The following SPAG17 variants were observed in gnomAD, a reference collection of about 807,000 sequenced individuals.
SPAG17 encodes the protein sperm-associated antigen 17.
A neutral mutation model predicts 273.6 loss-of-function variants in SPAG17; 169 were observed. The observed-to-expected ratio is 0.62, with a 90% CI of 0.55 to 0.70. The LOEUF (loss-of-function observed/expected upper bound fraction) is 0.70, where lower values mean the gene tolerates loss of function less well. Ranked by LOEUF, SPAG17 falls within the 30% of genes least tolerant of loss-of-function variation. The probability of loss-of-function intolerance (pLI) is 0.00; values close to 1 mark genes in which losing one functional copy is unlikely to be tolerated. For synonymous variants in SPAG17, 825 were observed against 873.2 expected (o/e 0.94, Z 0.97); for missense variants, 2,557 against 2,627.8 (o/e 0.97, Z 0.59).
chr1:118,047,767 C>A (rs1422449950), intron 20 of SPAG17, among the ~76,000 whole-genome samples: 1 of 152,082 alleles, frequency 6.6e-6, no homozygotes, highest in Non-Finnish European at 1.5e-5. Flanking sequence ...AGTGCAAAAC[C>A]TATCCTCCAG....
intron 4 of SPAG17, 48 bp downstream of exon 4, chr1:118,115,257 CCATTT>C: frequency 1.9e-6 from 3 of 1,596,558 alleles, no homozygotes; most frequent in Non-Finnish European, 1.7e-6. Context: ...AAACCTGGCT[CCATTT>C]CATTCACCAC....
At position 118,028,398 on chromosome 1, in the gene SPAG17, T is replaced by C. The variant is rs756464895; in HGVS notation, c.3610-4A>G. 2 of 1,611,950 alleles carry C rather than the reference T, an allele frequency of 1.2e-6. No individual in the cohort carries two copies. The highest frequency in any genetic ancestry group is 2.2e-5 in the South Asian group (2 of 90,484). ...GTTCTGGTTCTACTTCTTCTTCCTG[T>C]AAATAATTCAGCATGTGAATAATGG... On this transcript the variant is annotated splice_region_variant and splice_polypyrimidine_tract_variant and intron_variant, in intron 25 of 48. Transcript: ENST00000336338.
intron 1 of SPAG17, among the ~76,000 whole-genome samples, chr1:118,152,741 A>G (rs1052237369): frequency 1.3e-5 from 2 of 152,218 alleles, no homozygotes; most frequent in Non-Finnish European, 2.9e-5. Flanking sequence ...TAAATTCACC[A>G]GGGGAAGACT....
intron 17 of SPAG17, 116 bp from the exon 18 acceptor site, chr1:118,067,015 G>A (rs1653050465): frequency 1.1e-6 from 1 of 919,476 alleles, no homozygotes; most frequent in African/African-American, 1.7e-5. Context: ...TACATTGTTA[G>A]TCAAGTTGAA....
rs539378962 is a variant in SPAG17 at position 117,973,946 on chromosome 1, C to T, written c.6005-385G>A. On this transcript the variant is annotated intron_variant, in intron 43 of 48. Coordinates refer to ENST00000336338, the MANE Select transcript of SPAG17 (RefSeq NM_206996.4). ...TTTTGGGTTTTCTGTCATTAATCTT[C>T]TTAGAATAATGGCTTGCAGCTGCAT... is the stretch of plus-strand genomic sequence containing the variant. 2.0e-5 allele frequency among the ~76,000 whole-genome samples: 3 copies of T among 152,220 alleles called. No individual in the cohort carries two copies. In the East Asian group the frequency reaches 5.8e-4, roughly 29 times the overall value.
chr1:118,088,026 G>C (rs1192022848), intron 10 of SPAG17, among the ~76,000 whole-genome samples: 1 of 152,138 alleles, frequency 6.6e-6, no homozygotes, highest in East Asian at 1.9e-4. Context: ...TAACAAAATT[G>C]CATCCTATTC....
At chr1:118,034,249 T>C (rs1415599584) in intron 24 of SPAG17, among the ~76,000 whole-genome samples, 1 of 152,162 alleles carries the variant, frequency 6.6e-6, no homozygotes, top group Non-Finnish European at 1.5e-5. Flanking sequence ...TTAGAACCCG[T>C]CAGGTACAAT....
intron 1 of SPAG17, among the ~76,000 whole-genome samples, chr1:118,172,440 A>G (rs1338125512): frequency 6.6e-6 from 1 of 152,214 alleles, no homozygotes; most frequent in Non-Finnish European, 1.5e-5. Flanking sequence ...GTGTCACAGC[A>G]AAGGAATGGA....
At chr1:118,088,760 A>C (rs1013051061) in intron 10 of SPAG17, among the ~76,000 whole-genome samples, 1 of 152,224 alleles carries the variant, frequency 6.6e-6, no homozygotes, top group African/African-American at 2.4e-5. Flanking sequence ...CTCCCTGAAG[A>C]AAGCATTAGT....
At chr1:118,020,189 C>T (rs1660365586) in intron 28 of SPAG17, among the ~76,000 whole-genome samples, 2 of 152,146 alleles carry the variant, frequency 1.3e-5, no homozygotes, top group African/African-American at 4.8e-5. Context: ...GGGGCCAAGG[C>T]AAGCGGATCA....
At chr1:118,096,673 T>A (rs1384625381) in intron 7 of SPAG17, among the ~76,000 whole-genome samples, 3 of 152,234 alleles carry the variant, frequency 2.0e-5, no homozygotes, top group African/African-American at 7.2e-5. Context: ...AAAGCCATCA[T>A]GCATCTGTCA....
At chr1:117,981,447 G>A in intron 42 of SPAG17, 46 bp from the exon 43 acceptor site, 1 of 1,557,532 alleles carries the variant, frequency 6.4e-7, no homozygotes, top group Admixed American at 2.2e-5. Flanking sequence ...TTTGTAAAAT[G>A]ATATAATGAC....
intron 7 of SPAG17, among the ~76,000 whole-genome samples, chr1:118,095,866 G>T (rs979002012): frequency 6.6e-6 from 1 of 152,132 alleles, no homozygotes; most frequent in Non-Finnish European, 1.5e-5. Context: ...CTTCTCTGAG[G>T]TCAGGTTTAG....
At chr1:118,042,188 A>T (rs965055007) in intron 20 of SPAG17, 146 bp from the exon 21 acceptor site, 1 of 959,968 alleles carries the variant, frequency 1.0e-6, no homozygotes, top group Non-Finnish European at 1.5e-6. Context: ...CCTTGACGTC[A>T]TCCTTAATTC....
chr1:118,041,680 A>G, intron 21 of SPAG17, 123 bp downstream of exon 21: 1 of 1,297,812 alleles, frequency 7.7e-7, no homozygotes, highest in Non-Finnish European at 1.1e-6. Context: ...GCTCATTAAT[A>G]CCAGAAGAAA....
At chr1:118,133,609 T>C (rs1205564361) in intron 3 of SPAG17, among the ~76,000 whole-genome samples, 1 of 152,112 alleles carries the variant, frequency 6.6e-6, no homozygotes, top group Non-Finnish European at 1.5e-5. Context: ...ATCAACCCCC[T>C]CAGACTTCCT....
chr1:118,103,662 A>G (rs1656208847), intron 4 of SPAG17, among the ~76,000 whole-genome samples: 1 of 152,194 alleles, frequency 6.6e-6, no homozygotes, highest in Non-Finnish European at 1.5e-5. Flanking sequence ...ACAAACAAAC[A>G]GATAAAAATG....
chr1:117,970,024 A>AGCAC lies in SPAG17; in HGVS notation c.6387+28_6387+31dup, dbSNP rs762218531. The AGCAC allele has an allele frequency of 3.8e-6, 6 of 1,599,798 alleles. No individual in the cohort carries two copies. In the South Asian group the frequency reaches 6.7e-5, roughly 18 times the overall value. On this transcript the variant is annotated intron_variant, in intron 46 of 48. Coordinates refer to ENST00000336338, the MANE Select transcript of SPAG17 (RefSeq NM_206996.4). ...ATACATAGTCACTTGCATGCACGCA[A>AGCAC]GCACACACAACAGATGACATATAGG...
chr1:118,002,905 A>C (rs1658460917), intron 32 of SPAG17, among the ~76,000 whole-genome samples: 1 of 152,196 alleles, frequency 6.6e-6, no homozygotes, highest in Non-Finnish European at 1.5e-5. Context: ...TAATTGATGC[A>C]GTTTCTTCAT....
Sources: allele counts gnomAD v4.1 joint callset (sites outside exome capture counted in the v4.1 genomes callset), GRCh38; gene constraint gnomAD v4.1.1; transcripts MANE v1.5; gene names NCBI Gene and HGNC (gene_info 2026-07-23, HGNC 2026-07-21).